RHBDD1: variants seen among roughly 807,000 people sequenced by gnomAD.
RHBDD1 encodes rhomboid-related protein 4.
RHBDD1 carries 38 observed loss-of-function variants against 36.3 expected under a neutral mutation model. That is an observed-to-expected ratio of 1.05 (90% CI 0.81 to 1.37). RHBDD1 has a LOEUF of 1.37. RHBDD1 is among the 40% of genes most tolerant of loss of function. RHBDD1 has a pLI of 0.00. For missense variants in RHBDD1, 393 were observed against 377.6 expected (o/e 1.04, Z -0.34); for synonymous variants, 151 against 136.5 (o/e 1.11, Z -0.74).
At chr2:226,895,849 A>G in intron 5 of RHBDD1, 6 of 980,910 alleles carry the variant, frequency 6.1e-6, no homozygotes, top group Non-Finnish European at 7.3e-6. Flanking sequence ...TGATGAGAGA[A>G]GTACTGTTCT....
chr2:226,925,384 G>A (rs1354649005), intron 8 of RHBDD1, among the ~76,000 whole-genome samples: 1 of 152,108 alleles, frequency 6.6e-6, no homozygotes, highest in African/African-American at 2.4e-5. Flanking sequence ...TTGTAAAATG[G>A]AAATATTAGG....
At chr2:226,836,580 A>G (rs1294315474) in intron 1 of RHBDD1, among the ~76,000 whole-genome samples, 3 of 152,174 alleles carry the variant, frequency 2.0e-5, no homozygotes, top group African/African-American at 7.2e-5. Flanking sequence ...TTTCTGTCCA[A>G]CCCCTAAAAA....
In RHBDD1 at chr2:226,995,419, T is replaced by G. The variant is rs1470831931; in HGVS notation, c.857-12T>G. The G allele has an allele frequency of 6.4e-7, 1 of 1,571,630 alleles. No homozygotes were observed. Among genetic ancestry groups the G allele is most frequent in the East Asian group, 2.2e-5 (1 of 44,686 alleles). On this transcript the variant is annotated splice_polypyrimidine_tract_variant and intron_variant, in intron 8 of 8. Transcript: ENST00000392062. ...AGAATGATTGATTTTTCCTTTGGCT[T>G]TCTCACTACAGGAAATACCAGAAAT...
intron 8 of RHBDD1, among the ~76,000 whole-genome samples, chr2:226,933,523 C>G (rs1950157887): frequency 1.3e-5 from 2 of 152,060 alleles, no homozygotes; most frequent in South Asian, 2.1e-4. Flanking sequence ...AATCTTCTTA[C>G]AATTTGGCCG....
At chr2:226,944,652 T>G (rs939862613) in intron 8 of RHBDD1, among the ~76,000 whole-genome samples, 7 of 152,236 alleles carry the variant, frequency 4.6e-5, no homozygotes, top group Non-Finnish European at 8.8e-5. Flanking sequence ...TCATTCACTC[T>G]AAACTCAGAA....
At chr2:226,904,710 G>A (rs1023638057) in intron 5 of RHBDD1, among the ~76,000 whole-genome samples, 1 of 152,136 alleles carries the variant, frequency 6.6e-6, no homozygotes, top group African/African-American at 2.4e-5. Context: ...GAGAGCCAGC[G>A]AGTCTTTTCA....
the RHBDD1 span, among the ~76,000 whole-genome samples, chr2:226,800,816 G>A: frequency 6.6e-6 from 1 of 152,218 alleles, no homozygotes; most frequent in Non-Finnish European, 1.5e-5. Context: ...AAGGATAACA[G>A]GGAGAAAACA....
At chr2:226,875,695 C>T (rs1945173663) in intron 5 of RHBDD1, among the ~76,000 whole-genome samples, 1 of 150,950 alleles carries the variant, frequency 6.6e-6, no homozygotes. Flanking sequence ...ATAGACTGCT[C>T]TTTGTTTTGA....
the RHBDD1 span, among the ~76,000 whole-genome samples, chr2:226,819,571 A>C: frequency 5.9e-5 from 9 of 152,170 alleles, no homozygotes; most frequent in Admixed American, 1.3e-4. Flanking sequence ...GTAGGAGGCT[A>C]TGCAGGGGGT....
At chr2:226,804,059 A>G in the RHBDD1 span, 3 of 152,252 alleles carry the variant, frequency 2.0e-5, no homozygotes, top group Admixed American at 6.5e-5. Flanking sequence ...CTTATACTTT[A>G]GTATTATATA....
intron 5 of RHBDD1, among the ~76,000 whole-genome samples, chr2:226,902,273 G>C (rs987244717): frequency 1.3e-5 from 2 of 152,188 alleles, no homozygotes; most frequent in Non-Finnish European, 2.9e-5. Context: ...GTCTGGTTTT[G>C]ATGCTGTTAC....
intron 5 of RHBDD1, among the ~76,000 whole-genome samples, chr2:226,869,565 A>T (rs1463225039): frequency 2.0e-5 from 3 of 152,206 alleles, no homozygotes; most frequent in Admixed American, 1.3e-4. Context: ...AGGAAAAAAA[A>T]TCTGCCAAAG....
At chr2:226,883,310 C>T (rs1945928594) in intron 5 of RHBDD1, among the ~76,000 whole-genome samples, 1 of 152,176 alleles carries the variant, frequency 6.6e-6, no homozygotes, top group Non-Finnish European at 1.5e-5. Flanking sequence ...GACAGGCCTG[C>T]TGTGGTTCCA....
chr2:226,827,564 T>C, the RHBDD1 span, among the ~76,000 whole-genome samples: 1 of 152,380 alleles, frequency 6.6e-6, no homozygotes, highest in African/African-American at 2.4e-5. Flanking sequence ...TGGAATGCTG[T>C]TCCATTTAAC....
At chr2:226,883,962 C>T (rs530148250) in intron 5 of RHBDD1, among the ~76,000 whole-genome samples, 80 of 152,184 alleles carry the variant, frequency 5.3e-4, no homozygotes, top group African/African-American at 1.7e-3. Context: ...GTCATGAAGC[C>T]GCTAAAGCAA....
chr2:226,844,483 A>G (rs765570994), intron 3 of RHBDD1, among the ~76,000 whole-genome samples: 4 of 152,170 alleles, frequency 2.6e-5, no homozygotes, highest in Non-Finnish European at 4.4e-5. Flanking sequence ...CCTTTTCACT[A>G]GTTGTTGTGC....
chr2:226,937,405 A>G (rs1418480544), intron 8 of RHBDD1, among the ~76,000 whole-genome samples: 1 of 152,002 alleles, frequency 6.6e-6, no homozygotes, highest in Non-Finnish European at 1.5e-5. Flanking sequence ...GTTCTTTTTT[A>G]ATTTGAGCCT....
intron 8 of RHBDD1, among the ~76,000 whole-genome samples, chr2:226,941,792 A>G (rs925545978): frequency 1.4e-4 from 21 of 152,244 alleles, no homozygotes; most frequent in African/African-American, 4.6e-4. Context: ...GCACATACCC[A>G]TAACACAGGC....
At chr2:226,898,394 T>G (rs1947308860) in intron 5 of RHBDD1, among the ~76,000 whole-genome samples, 1 of 152,224 alleles carries the variant, frequency 6.6e-6, no homozygotes, top group South Asian at 2.1e-4. Context: ...CAAGTAAATG[T>G]CAGTGGTCAG....
Sources: gnomAD v4.1 joint callset for allele counts (sites outside exome capture counted in the v4.1 genomes callset) on GRCh38, gnomAD v4.1.1 for gene constraint, MANE v1.5 for transcripts, NCBI Gene and HGNC (gene_info 2026-07-23, HGNC 2026-07-21) for gene names.